Variants in ICA1L observed in about 807,000 individuals in gnomAD.
ICA1L encodes the protein islet cell autoantigen 1-like protein.
ICA1L carries 50 observed loss-of-function variants against 61.3 expected under a neutral mutation model. The ratio of observed to expected loss-of-function variants is 0.82; its 90% confidence interval spans 0.65 to 1.03. The LOEUF (loss-of-function observed/expected upper bound fraction) is 1.03. ICA1L is among the 50% of genes least tolerant of loss of function. The pLI, the probability that ICA1L is intolerant of heterozygous loss-of-function variation, is 0.00. For synonymous variants in ICA1L, 161 were observed against 191.3 expected (o/e 0.84, Z 1.31); for missense variants, 508 against 556.7 (o/e 0.91, Z 0.88).
At chr2:202,861,401 CAAAAAAAAAAAAAAAAA>C (rs61240847) in intron 1 of ICA1L, among the ~76,000 whole-genome samples, 3 of 21,732 alleles carry the variant, frequency 1.4e-4, no homozygotes, top group African/African-American at 7.5e-4. Flanking sequence ...GAGACTATCT[CAAAAAAAAAAAAAAAAA>C]AAAAAAAAAA....
intron 9 of ICA1L, among the ~76,000 whole-genome samples, chr2:202,800,552 T>C (rs1047617109): frequency 6.6e-6 from 1 of 152,170 alleles, no homozygotes; most frequent in South Asian, 2.1e-4. Flanking sequence ...CTCTATGTCA[T>C]TGGTTTACTC....
At chr2:202,836,926 C>T (rs933833713) in intron 1 of ICA1L, among the ~76,000 whole-genome samples, 1 of 151,966 alleles carries the variant, frequency 6.6e-6, no homozygotes, top group Admixed American at 6.6e-5. Context: ...ACTGCAATCT[C>T]CACCTCCCGG....
chr2:202,833,763 A>C (rs1263879023), intron 1 of ICA1L, among the ~76,000 whole-genome samples: 1 of 152,210 alleles, frequency 6.6e-6, no homozygotes, highest in East Asian at 1.9e-4. Flanking sequence ...TCAATGGAAT[A>C]CTATTCAGCC....
At position 202,779,508 on chromosome 2, in the gene ICA1L, C is replaced by G; in HGVS notation, c.*25G>C. On this transcript the variant is annotated 3_prime_UTR_variant, in exon 13 of 13. Transcript: ENST00000358299. ...CGTTGCAAAATTGATGTCTCAAGGC[C>G]ACTGAAGTGACATTATAACTTCAGT... The G allele has an allele frequency of 1.5e-6, 2 of 1,375,796 alleles. No individual in the cohort carries two copies. The highest frequency in any genetic ancestry group is 2.1e-6 in the Non-Finnish European group (2 of 969,984). 85.2% of individuals were successfully genotyped at this position (1,375,796 alleles called of 1,614,324 possible).
intron 9 of ICA1L, among the ~76,000 whole-genome samples, chr2:202,799,614 TTTAA>T (rs1490272710): frequency 6.6e-6 from 1 of 152,218 alleles, no homozygotes; most frequent in East Asian, 1.9e-4. Context: ...AGCTTTTTAG[TTTAA>T]TTAAGTCCCT....
At chr2:202,811,902 T>C (rs952729401) in intron 8 of ICA1L, 113 bp from the exon 9 acceptor site, 1 of 762,918 alleles carries the variant, frequency 1.3e-6, no homozygotes, top group Non-Finnish European at 2.3e-6. Flanking sequence ...AAACATAAAA[T>C]CATTGTCCAC....
intron 12 of ICA1L, among the ~76,000 whole-genome samples, chr2:202,781,375 C>T (rs546300898): frequency 9.2e-5 from 14 of 151,604 alleles, no homozygotes; most frequent in African/African-American, 3.1e-4. Context: ...GAGTTCGAGA[C>T]GAGCCTGGCC....
intron 1 of ICA1L, among the ~76,000 whole-genome samples, chr2:202,837,960 T>A (rs556535428): frequency 3.9e-5 from 6 of 152,222 alleles, no homozygotes; most frequent in African/African-American, 1.4e-4. Context: ...TTCATGAGAT[T>A]CTCCTGTCTC....
chr2:202,814,406 C>T (rs571372579), intron 8 of ICA1L, among the ~76,000 whole-genome samples: 1 of 152,310 alleles, frequency 6.6e-6, no homozygotes, highest in South Asian at 2.1e-4. Flanking sequence ...CCCCTTTGAC[C>T]TTTTCTGCCA....
chr2:202,847,703 A>ATATATATATATATATATATATATATG (rs11274512), intron 1 of ICA1L, among the ~76,000 whole-genome samples: 11,073 of 130,430 alleles, frequency 0.085, 997 homozygotes, highest in East Asian at 0.25. Context: ...AATTATATAT[A>ATATATATATATATATATATATATATG]TATATAGTTA....
chr2:202,839,607 T>A (rs1303168916), intron 1 of ICA1L, among the ~76,000 whole-genome samples: 6 of 142,720 alleles, frequency 4.2e-5, no homozygotes, highest in South Asian at 2.3e-4. Flanking sequence ...TGTGTGTGTG[T>A]GTGTGTGTGT....
At chr2:202,817,573 G>C (rs747352989) in intron 5 of ICA1L, 30 bp from the exon 6 acceptor site, 5 of 1,368,044 alleles carry the variant, frequency 3.7e-6, no homozygotes, top group Non-Finnish European at 5.1e-6. Context: ...TTTTATTACA[G>C]ATATATACTA....
chr2:202,801,880 G>A (rs1693094034), intron 9 of ICA1L, among the ~76,000 whole-genome samples: 1 of 152,194 alleles, frequency 6.6e-6, no homozygotes, highest in African/African-American at 2.4e-5. Context: ...ACTCTGGGAA[G>A]AAGCAGTATG....
intron 1 of ICA1L, among the ~76,000 whole-genome samples, chr2:202,836,600 T>C (rs1176007394): frequency 3.3e-5 from 5 of 152,066 alleles, no homozygotes; most frequent in Admixed American, 2.0e-4. Flanking sequence ...AAATGTTTGG[T>C]AGTATTCAGT....
intron 7 of ICA1L, 118 bp downstream of exon 7, chr2:202,815,793 G>A (rs928294495): frequency 1.8e-6 from 1 of 560,730 alleles, no homozygotes; most frequent in Non-Finnish European, 2.9e-6. Context: ...GAAGGAAAAT[G>A]TTTCTCAATG....
At chr2:202,813,457 C>CT (rs1252132214) in intron 8 of ICA1L, among the ~76,000 whole-genome samples, 2 of 152,188 alleles carry the variant, frequency 1.3e-5, no homozygotes, top group East Asian at 3.9e-4. Context: ...ATACCTGAGA[C>CT]TAAGTAATTT....
rs1426826837 is a variant in ICA1L at position 202,849,357 on chromosome 2, G to C, written c.-7-20341C>G. Among the ~76,000 whole-genome samples, 1 of 152,186 alleles carries C rather than the reference G, an allele frequency of 6.6e-6. No homozygotes were observed. Among genetic ancestry groups the C allele is most frequent in the East Asian group, 1.9e-4 (1 of 5,182 alleles). On this transcript the variant is annotated intron_variant, in intron 1 of 12. Coordinates refer to ENST00000358299, the MANE Select transcript of ICA1L (RefSeq NM_001288622.3). This position sits in a 1 kb window ranked among gnomAD's most constrained non-coding sequence, Gnocchi z 4.5. Reference sequence around the variant, plus strand: ...TCGCTCAGTGGGTCCCACTCCCACAGAGCCCAGCAAGCTAAGAACCACTGG... The same window carrying C: ...TCGCTCAGTGGGTCCCACTCCCACACAGCCCAGCAAGCTAAGAACCACTGG...
intron 1 of ICA1L, among the ~76,000 whole-genome samples, chr2:202,850,016 G>A (rs566224563): frequency 3.7e-4 from 57 of 152,302 alleles, no homozygotes; most frequent in African/African-American, 1.3e-3. Flanking sequence ...AGGTTATAGA[G>A]TAGACCTCCA....
intron 4 of ICA1L, 32 bp from the exon 5 acceptor site, chr2:202,819,931 G>A (rs754042620): frequency 2.3e-5 from 34 of 1,507,662 alleles, no homozygotes; most frequent in Non-Finnish European, 2.9e-5. Context: ...TCAGAGGGTT[G>A]AACACATCAT....
Sources: allele counts gnomAD v4.1 joint callset (sites outside exome capture counted in the v4.1 genomes callset), GRCh38; gene constraint gnomAD v4.1.1; non-coding constraint Gnocchi (gnomAD v3.1); transcripts MANE v1.5; gene names NCBI Gene and HGNC (gene_info 2026-07-23, HGNC 2026-07-21).